Variants in AGPAT3 observed in about 807,000 individuals in gnomAD.
The protein encoded by AGPAT3 is 1-acyl-sn-glycerol-3-phosphate acyltransferase gamma.
Under a neutral mutation model 47.3 loss-of-function variants are expected in AGPAT3, and 5 were observed. That is an observed-to-expected ratio of 0.11 (90% CI 0.06 to 0.22). The LOEUF (loss-of-function observed/expected upper bound fraction) is 0.22. Among genes scored for constraint, AGPAT3 ranks in the 10% least tolerant of loss-of-function variants. The pLI, the probability that AGPAT3 is intolerant of heterozygous loss-of-function variation, is 1.00. For synonymous variants in AGPAT3, 212 were observed against 208.3 expected (o/e 1.02, Z -0.15); for missense variants, 315 against 493.0 (o/e 0.64, Z 3.42).
In AGPAT3 at chr21:43,920,294, G is replaced by T. The variant is rs1039071214; in HGVS notation, c.-49+16275G>T. Among the ~76,000 whole-genome samples, 1 of 152,092 alleles carries T rather than the reference G, an allele frequency of 6.6e-6. No homozygotes were observed. Among genetic ancestry groups the T allele is most frequent in the Non-Finnish European group, 1.5e-5 (1 of 68,008 alleles). On this transcript the variant is annotated intron_variant, in intron 2 of 9. Transcript: ENST00000291572. The surrounding 1 kb of genome is among the most constrained non-coding windows in gnomAD (Gnocchi z 6.1). Reference sequence around the variant, plus strand: ...TGAATGTGTCAGTGTGAGAGTGTGTGTGTGCGTGTGAGTGTTGAATGTGTG... The same window carrying T: ...TGAATGTGTCAGTGTGAGAGTGTGTTTGTGCGTGTGAGTGTTGAATGTGTG...
chr21:43,950,089 C>T (rs967917077), intron 2 of AGPAT3, among the ~76,000 whole-genome samples: 5 of 152,208 alleles, frequency 3.3e-5, no homozygotes, highest in Non-Finnish European at 7.3e-5. Context: ...GCCCAGATGA[C>T]CATGTGGGAC....
chr21:43,874,817 G>A (rs1334243106), intron 1 of AGPAT3, among the ~76,000 whole-genome samples: 1 of 152,072 alleles, frequency 6.6e-6, no homozygotes, highest in African/African-American at 2.4e-5. Context: ...AGCAATTCTG[G>A]AAAATTTTCA....
chr21:43,876,930 C>T (rs2085745770), intron 1 of AGPAT3, among the ~76,000 whole-genome samples: 1 of 152,150 alleles, frequency 6.6e-6, no homozygotes, highest in African/African-American at 2.4e-5. Flanking sequence ...ACGATCTTGG[C>T]TTACTGCAAC....
In AGPAT3 at chr21:43,980,285, A is replaced by AC. The variant is rs1486882184; in HGVS notation, c.844-704_844-703insC. On this transcript the variant is annotated intron_variant, in intron 8 of 9. Transcript: ENST00000291572. Reference sequence around the variant, plus strand: ...AGTGAGACTCCATCTCAAAAAAAAAAAAAAAACAAAAAAAAACGAGAGAGT... The same window carrying AC: ...AGTGAGACTCCATCTCAAAAAAAAAACAAAAAACAAAAAAAAACGAGAGAGT... Among the ~76,000 whole-genome samples, 58 of 149,330 alleles carry AC rather than the reference A, an allele frequency of 3.9e-4. 2 individuals carry two copies. In the Middle Eastern group the frequency reaches 0.021, roughly 54 times the overall value.
At chr21:43,931,379 A>T (rs2146281211) in intron 2 of AGPAT3, among the ~76,000 whole-genome samples, 1 of 152,298 alleles carries the variant, frequency 6.6e-6, no homozygotes, top group South Asian at 2.1e-4. Context: ...ACTCTATTTT[A>T]TGTTGTAGCT....
intron 1 of AGPAT3, among the ~76,000 whole-genome samples, chr21:43,894,775 G>A (rs1184255223): frequency 6.6e-6 from 1 of 152,050 alleles, no homozygotes; most frequent in Non-Finnish European, 1.5e-5. Context: ...TTGTTCTTAG[G>A]AATTTGTCCA....
intron 2 of AGPAT3, among the ~76,000 whole-genome samples, chr21:43,929,857 G>C (rs554870921): frequency 6.6e-6 from 1 of 152,250 alleles, no homozygotes; most frequent in Non-Finnish European, 1.5e-5. Context: ...GCCTGGCTGA[G>C]TGCCGAGCTA....
At chr21:43,877,358 A>G (rs2085756432) in intron 1 of AGPAT3, among the ~76,000 whole-genome samples, 1 of 152,386 alleles carries the variant, frequency 6.6e-6, no homozygotes, top group South Asian at 2.1e-4. Flanking sequence ...TACATGGCAT[A>G]TGCCAGTAAT....
chr21:43,947,327 C>G (rs2146438243), intron 2 of AGPAT3, among the ~76,000 whole-genome samples: 1 of 152,332 alleles, frequency 6.6e-6, no homozygotes, highest in African/African-American at 2.4e-5. Flanking sequence ...GGCCTGGGGG[C>G]CCTGGGGCTA....
intron 2 of AGPAT3, among the ~76,000 whole-genome samples, chr21:43,917,742 G>A (rs1469154375): frequency 1.3e-5 from 2 of 151,864 alleles, no homozygotes; most frequent in East Asian, 1.9e-4. Context: ...CCGGGTGGTC[G>A]AGTTGGCATC....
At chr21:43,911,168 G>A (rs2086624944) in intron 2 of AGPAT3, among the ~76,000 whole-genome samples, 1 of 152,158 alleles carries the variant, frequency 6.6e-6, no homozygotes, top group South Asian at 2.1e-4. Context: ...ATTTGTCTTG[G>A]AAAACTTTTA....
chr21:43,926,163 C>T (rs1206213385), intron 2 of AGPAT3, among the ~76,000 whole-genome samples: 1 of 152,240 alleles, frequency 6.6e-6, no homozygotes, highest in Non-Finnish European at 1.5e-5. Context: ...CCCGCTGGGT[C>T]AGCACCAGGG....
At chr21:43,871,737 G>A (rs1316369681) in intron 1 of AGPAT3, among the ~76,000 whole-genome samples, 1 of 152,156 alleles carries the variant, frequency 6.6e-6, no homozygotes, top group Non-Finnish European at 1.5e-5. Flanking sequence ...TTTGGGTGAT[G>A]TCTTTTTCTC....
chr21:43,903,793 T>A (rs569882855), intron 1 of AGPAT3, 164 bp from the exon 2 acceptor site: 2 of 152,412 alleles, frequency 1.3e-5, no homozygotes, highest in African/African-American at 4.8e-5. Context: ...CCCTGATGTT[T>A]AAGTGACGGA....
intron 2 of AGPAT3, among the ~76,000 whole-genome samples, chr21:43,947,900 C>T (rs1185248343): frequency 6.6e-6 from 1 of 152,128 alleles, no homozygotes. Context: ...AAGTGATCTG[C>T]CCACCTTGGC....
At chr21:43,870,640 T>C (rs2085605417) in intron 1 of AGPAT3, among the ~76,000 whole-genome samples, 1 of 152,076 alleles carries the variant, frequency 6.6e-6, no homozygotes, top group South Asian at 2.1e-4. Flanking sequence ...GAGAATGCCT[T>C]GAACCTGGGA....
intron 2 of AGPAT3, among the ~76,000 whole-genome samples, chr21:43,915,069 G>GC (rs2086698511): frequency 6.6e-6 from 1 of 151,320 alleles, no homozygotes; most frequent in Non-Finnish European, 1.5e-5. Context: ...TTCCTCTTTT[G>GC]TTTTTTTGAG....
At chr21:43,870,170 G>A (rs560711845) in intron 1 of AGPAT3, among the ~76,000 whole-genome samples, 2 of 152,220 alleles carry the variant, frequency 1.3e-5, no homozygotes, top group Non-Finnish European at 2.9e-5. Flanking sequence ...GTGAGCTGGT[G>A]CAGGGAGGCG....
intron 2 of AGPAT3, among the ~76,000 whole-genome samples, chr21:43,947,687 CTT>C (rs1322517588): frequency 7.3e-6 from 1 of 137,240 alleles, no homozygotes; most frequent in African/African-American, 2.5e-5. Context: ...TGTTTCTTTT[CTT>C]TTCTTTTTTT....
Sources: allele counts gnomAD v4.1 joint callset (sites outside exome capture counted in the v4.1 genomes callset), GRCh38; gene constraint gnomAD v4.1.1; non-coding constraint Gnocchi (gnomAD v3.1); transcripts MANE v1.5; gene names NCBI Gene and HGNC (gene_info 2026-07-23, HGNC 2026-07-21).